Variants in NRCAM observed in about 807,000 individuals in gnomAD.
The protein encoded by NRCAM is NgCAM-related cell adhesion molecule.
NRCAM carries 83 observed loss-of-function variants against 156.5 expected under a neutral mutation model. That is an observed-to-expected ratio of 0.53 (90% CI 0.44 to 0.64). NRCAM has a LOEUF of 0.64. Ranked by LOEUF, NRCAM falls within the 30% of genes least tolerant of loss-of-function variation. NRCAM has a pLI of 0.00. For missense variants in NRCAM, 1,417 were observed against 1,597.3 expected, an observed-to-expected ratio of 0.89 and a Z score of 1.92; for synonymous variants, 538 against 563.9, an observed-to-expected ratio of 0.95 and a Z score of 0.65.
chr7:108,349,023 G>A (rs938649602), intron 2 of NRCAM, among the ~76,000 whole-genome samples: 1 of 152,030 alleles, frequency 6.6e-6, no homozygotes, highest in Non-Finnish European at 1.5e-5. Flanking sequence ...GCTATGTGAT[G>A]CGCTGTGTAA....
At chr7:108,291,797 T>A (rs1293824715) in intron 3 of NRCAM, among the ~76,000 whole-genome samples, 1 of 152,072 alleles carries the variant, frequency 6.6e-6, no homozygotes, top group Non-Finnish European at 1.5e-5. Context: ...AATCTTAAAC[T>A]AAAACATTTA....
chr7:108,268,318 G>C (rs1055418755), intron 3 of NRCAM, among the ~76,000 whole-genome samples: 1 of 152,096 alleles, frequency 6.6e-6, no homozygotes, highest in Non-Finnish European at 1.5e-5. Context: ...CCAAAACTGG[G>C]GATCCTGTCA....
At chr7:108,365,573 A>C (rs2099586900) in intron 2 of NRCAM, among the ~76,000 whole-genome samples, 1 of 151,702 alleles carries the variant, frequency 6.6e-6, no homozygotes, top group South Asian at 2.1e-4. Context: ...AAAGGCTTGT[A>C]ACATATTAAT....
rs181957880 is a variant in NRCAM at position 108,344,927 on chromosome 7, G to T, written c.-173-32196C>A. ...TTCTTGCTGCCTTTCATTATATGAA[G>T]TCAAGGATAAGGGGGAGGGAGAAGA... On this transcript the variant is annotated intron_variant, in intron 2 of 32. Coordinates refer to ENST00000379028, the MANE Select transcript of NRCAM (RefSeq NM_001037132.4). Among the ~76,000 whole-genome samples the T allele has an allele frequency of 2.6e-5, 4 of 152,246 alleles. No individual in the cohort carries two copies. In the East Asian group the frequency reaches 7.7e-4, roughly 29 times the overall value.
At chr7:108,273,933 A>G (rs1462067981) in intron 3 of NRCAM, among the ~76,000 whole-genome samples, 1 of 152,230 alleles carries the variant, frequency 6.6e-6, no homozygotes, top group South Asian at 2.1e-4. Context: ...GATGTAAGAA[A>G]GGGATCTAGT....
intron 2 of NRCAM, among the ~76,000 whole-genome samples, chr7:108,351,466 C>T (rs2099412119): frequency 6.6e-6 from 1 of 152,192 alleles, no homozygotes. Context: ...CATCACCAAA[C>T]TCTGGAGGGC....
At chr7:108,150,237 C>T (rs754836477) in intron 32 of NRCAM, 90 bp from the exon 33 acceptor site, 47 of 1,066,146 alleles carry the variant, frequency 4.4e-5, no homozygotes, top group Non-Finnish European at 5.6e-5. Flanking sequence ...TATGAGAAAG[C>T]ATTTGGAGTC....
intron 2 of NRCAM, among the ~76,000 whole-genome samples, chr7:108,332,764 A>G (rs2099139896): frequency 6.6e-6 from 1 of 152,318 alleles, no homozygotes; most frequent in South Asian, 2.1e-4. Flanking sequence ...GTGTGTCAAT[A>G]CAACACACAT....
intron 3 of NRCAM, among the ~76,000 whole-genome samples, chr7:108,245,466 C>T (rs1258664389): frequency 6.6e-6 from 1 of 152,166 alleles, no homozygotes; most frequent in Non-Finnish European, 1.5e-5. Flanking sequence ...CACATGCGGG[C>T]CCTGGCCTTC....
chr7:108,317,455 A>C (rs1396112085), intron 2 of NRCAM, among the ~76,000 whole-genome samples: 1 of 152,222 alleles, frequency 6.6e-6, no homozygotes, highest in Non-Finnish European at 1.5e-5. Flanking sequence ...TAGGGAAGAA[A>C]AAGCTTAAAG....
intron 2 of NRCAM, among the ~76,000 whole-genome samples, chr7:108,321,668 G>A (rs1405709279): frequency 2.6e-5 from 4 of 152,220 alleles, no homozygotes; most frequent in African/African-American, 7.2e-5. Context: ...AGGCCTCTAC[G>A]ACCATCACTT....
At chr7:108,181,042 G>A (rs1199500609) in intron 24 of NRCAM, among the ~76,000 whole-genome samples, 1 of 152,098 alleles carries the variant, frequency 6.6e-6, no homozygotes, top group East Asian at 1.9e-4. Flanking sequence ...TTCGATTGCA[G>A]GCACAGGTTT....
At chr7:108,174,729 TG>T (rs774912242) in intron 28 of NRCAM, among the ~76,000 whole-genome samples, 9 of 152,234 alleles carry the variant, frequency 5.9e-5, no homozygotes, top group Non-Finnish European at 1.3e-4. Context: ...GAAGACAGGA[TG>T]GGTGGGATAA....
At chr7:108,383,025 T>C (rs768130747) in intron 2 of NRCAM, among the ~76,000 whole-genome samples, 9 of 152,158 alleles carry the variant, frequency 5.9e-5, no homozygotes, top group Non-Finnish European at 8.8e-5. Context: ...GAAAATGAAA[T>C]GACACAGTGG....
At chr7:108,199,210 T>C (rs1587872336) in intron 13 of NRCAM, among the ~76,000 whole-genome samples, 1 of 152,116 alleles carries the variant, frequency 6.6e-6, no homozygotes, top group East Asian at 1.9e-4. Flanking sequence ...GACACACTCA[T>C]CACTGTATTT....
Position 108,194,085 on chromosome 7 carries a change from G to A in NRCAM, c.1717C>T (p.His573Tyr). The A allele has an allele frequency of 6.2e-7, 1 of 1,614,116 alleles. No homozygotes were observed. Among genetic ancestry groups the A allele is most frequent in the South Asian group, 1.1e-5 (1 of 91,084 alleles). Residue 573 changes from histidine (H) to tyrosine (Y), a missense_variant, in exon 17 of 33, where the codon CAC becomes TAC. This residue lies in a region of NRCAM where 1,238 missense variants were observed against 1,336.4 expected (regional missense o/e 0.93). Transcript: ENST00000379028. ...VSFECKVKHD[H>Y]TLSLTVLWLK... is the part of the protein sequence containing the mutation. Reference sequence around the variant, plus strand: ...CACAGGACAGTGAGGGATAAGGTGTGATCATGTTTCACTTTGCATTCAAAG... The same window carrying A: ...CACAGGACAGTGAGGGATAAGGTGTAATCATGTTTCACTTTGCATTCAAAG...
chr7:108,292,120 T>C (rs971229023), intron 3 of NRCAM, among the ~76,000 whole-genome samples: 1 of 152,194 alleles, frequency 6.6e-6, no homozygotes, highest in Non-Finnish European at 1.5e-5. Context: ...AACTTTTATA[T>C]GAAATCAACT....
chr7:108,338,617 G>C (rs373839049), intron 2 of NRCAM, among the ~76,000 whole-genome samples: 1 of 86,328 alleles, frequency 1.2e-5, no homozygotes, highest in Non-Finnish European at 3.0e-5. Flanking sequence ...AGAGAGGAGA[G>C]AGACACAGAG....
intron 1 of NRCAM, among the ~76,000 whole-genome samples, chr7:108,454,040 A>G (rs998147301): frequency 2.0e-5 from 3 of 152,224 alleles, no homozygotes; most frequent in Non-Finnish European, 4.4e-5. Flanking sequence ...ATGATGTGCC[A>G]GGAACATCTA....
Sources: allele counts gnomAD v4.1 joint callset (sites outside exome capture counted in the v4.1 genomes callset), GRCh38; gene constraint gnomAD v4.1.1; regional missense constraint gnomAD v4.1.1; transcripts MANE v1.5; gene names NCBI Gene and HGNC (gene_info 2026-07-23, HGNC 2026-07-21).